Variants in RNF144A observed in about 807,000 individuals in gnomAD.
The protein encoded by RNF144A is ring finger protein 144A.
Under a neutral mutation model 38.7 loss-of-function variants are expected in RNF144A, and 11 were observed. The observed-to-expected ratio is 0.28, with a 90% CI of 0.18 to 0.47. The LOEUF is 0.47. Among genes scored for constraint, RNF144A ranks in the 20% least tolerant of loss-of-function variants. The pLI is 0.99. For synonymous variants in RNF144A, 149 were observed against 143.9 expected, an observed-to-expected ratio of 1.04 and a Z score of -0.25; for missense variants, 316 against 377.2, an observed-to-expected ratio of 0.84 and a Z score of 1.34.
chr2:6,968,186 G>C (rs1667788703), intron 2 of RNF144A, among the ~76,000 whole-genome samples: 1 of 152,188 alleles, frequency 6.6e-6, no homozygotes, highest in Non-Finnish European at 1.5e-5. Context: ...CCTTCCTCAA[G>C]GACCTTCTCT....
At chr2:7,047,523 C>G (rs760617239), downstream of RNF144A, among the ~76,000 whole-genome samples, 2 of 152,148 alleles carry the variant, frequency 1.3e-5, no homozygotes, top group African/African-American at 4.8e-5. Flanking sequence ...TTCACTATCA[C>G]GAGAATAGCG....
chr2:6,928,766 C>T (rs1282066466), intron 1 of RNF144A, among the ~76,000 whole-genome samples: 1 of 152,222 alleles, frequency 6.6e-6, no homozygotes, highest in African/African-American at 2.4e-5. Context: ...CCTCCTATCA[C>T]CTGACACCCT....
chr2:7,069,677 G>A (rs569437587), downstream of RNF144A, among the ~76,000 whole-genome samples: 72 of 152,198 alleles, frequency 4.7e-4, no homozygotes, highest in African/African-American at 1.7e-3. Flanking sequence ...AATCACTTAT[G>A]TTTTATTCCC....
intron 2 of RNF144A, among the ~76,000 whole-genome samples, chr2:6,947,450 G>A (rs1666410832): frequency 6.6e-6 from 1 of 152,002 alleles, no homozygotes; most frequent in Non-Finnish European, 1.5e-5. Context: ...ATTATGTCAG[G>A]AGAATAACAA....
chr2:7,008,971 A>G (rs926207488), intron 3 of RNF144A, among the ~76,000 whole-genome samples: 1 of 152,222 alleles, frequency 6.6e-6, no homozygotes, highest in African/African-American at 2.4e-5. Flanking sequence ...AGAGTGTTTA[A>G]CACAAAATCA....
chr2:6,929,998 A>T (rs750534028), intron 1 of RNF144A, among the ~76,000 whole-genome samples: 1 of 152,246 alleles, frequency 6.6e-6, no homozygotes, highest in Admixed American at 6.5e-5. Flanking sequence ...GGGTGAAAGG[A>T]TGGCGTAAGG....
chr2:6,968,780 G>A (rs1157245727), intron 2 of RNF144A, among the ~76,000 whole-genome samples: 1 of 152,132 alleles, frequency 6.6e-6, no homozygotes, highest in Non-Finnish European at 1.5e-5. Context: ...AACTTGGCGA[G>A]GGCATTGCCA....
intron 3 of RNF144A, among the ~76,000 whole-genome samples, chr2:7,009,727 C>G (rs1670672624): frequency 6.6e-6 from 1 of 152,160 alleles, no homozygotes; most frequent in Admixed American, 6.5e-5. Flanking sequence ...AGGCTGTCCT[C>G]AGAAGGGAAG....
At chr2:7,024,583 A>G in intron 7 of RNF144A, 67 bp downstream of exon 7, 8 of 1,544,600 alleles carry the variant, frequency 5.2e-6, no homozygotes, top group Non-Finnish European at 7.1e-6. Flanking sequence ...AATGAGAAAA[A>G]TAGACCAGCT....
chr2:7,022,776 G>C (rs954805343), intron 6 of RNF144A, among the ~76,000 whole-genome samples: 1 of 152,160 alleles, frequency 6.6e-6, no homozygotes. Context: ...AGGTTTACTC[G>C]GAGCTGGCTC....
intron 3 of RNF144A, 86 bp from the exon 4 acceptor site, chr2:7,014,368 G>A: frequency 2.3e-6 from 2 of 875,778 alleles, no homozygotes; most frequent in Non-Finnish European, 3.9e-6. Flanking sequence ...GGAATGATGT[G>A]CCTGGTCCTT....
downstream of RNF144A, chr2:7,068,429 T>C: frequency 2.5e-6 from 1 of 394,314 alleles, no homozygotes; most frequent in Non-Finnish European, 4.9e-6. Flanking sequence ...AAGAGTGGGT[T>C]GAGCTTCAGA....
In RNF144A at chr2:7,020,670, G is replaced by T; in HGVS notation, c.499G>T (p.Gly167Trp). 2 of 1,602,636 alleles carry T rather than the reference G, an allele frequency of 1.2e-6. No individual in the cohort carries two copies. The highest frequency in any genetic ancestry group is 1.7e-6 in the Non-Finnish European group (2 of 1,179,842). ...GACCATGCCGATCACCTTCCTCCCC[G>T]GGGAGACCAGGTACCCTTTGTACAC... ...PETMPITFLP[G>W]ETSAAFKMEE... The change falls in exon 6 of 9, where the codon GGG becomes TGG. Residue 167 changes from glycine to tryptophan, a missense_variant. Physicochemically the swap from Gly to Trp is radical, Grantham distance 184 (BLOSUM62 -2). Coordinates refer to ENST00000320892, the MANE Select transcript of RNF144A (RefSeq NM_014746.6).
At chr2:7,038,480 C>A (rs1312451093) in intron 8 of RNF144A, among the ~76,000 whole-genome samples, 2 of 152,166 alleles carry the variant, frequency 1.3e-5, no homozygotes, top group African/African-American at 2.4e-5. Flanking sequence ...GTATGCACCT[C>A]TGTATTTGCA....
At chr2:6,988,686 G>A (rs1669112994) in intron 2 of RNF144A, among the ~76,000 whole-genome samples, 1 of 152,090 alleles carries the variant, frequency 6.6e-6, no homozygotes, top group African/African-American at 2.4e-5. Context: ...TCCTTTTCAC[G>A]TGTGTGAGCT....
chr2:7,069,496 C>T (rs375943028), downstream of RNF144A, among the ~76,000 whole-genome samples: 2 of 152,156 alleles, frequency 1.3e-5, no homozygotes, highest in Non-Finnish European at 2.9e-5. Context: ...TTTCCATCCC[C>T]TGTCTCTTTG....
At chr2:6,927,698 GA>G (rs1015395420) in intron 1 of RNF144A, among the ~76,000 whole-genome samples, 2 of 152,198 alleles carry the variant, frequency 1.3e-5, no homozygotes, top group Admixed American at 6.5e-5. Context: ...TTTTGGGTGT[GA>G]AAAACAGAAT....
chr2:7,047,335 C>T (rs1047457743), downstream of RNF144A, among the ~76,000 whole-genome samples: 1 of 152,110 alleles, frequency 6.6e-6, no homozygotes. Context: ...CATTTTCATG[C>T]TGCTGATTAA....
chr2:6,984,226 G>C (rs746016239), intron 2 of RNF144A, among the ~76,000 whole-genome samples: 9 of 152,078 alleles, frequency 5.9e-5, no homozygotes, highest in Admixed American at 2.6e-4. Context: ...CTCAAGGGTG[G>C]GAATATCTGC....
Sources: allele counts gnomAD v4.1 joint callset (sites outside exome capture counted in the v4.1 genomes callset), GRCh38; gene constraint gnomAD v4.1.1; transcripts MANE v1.5; gene names NCBI Gene and HGNC (gene_info 2026-07-23, HGNC 2026-07-21).